The following TNNI3K variants were observed in gnomAD, a reference collection of about 807,000 sequenced individuals.
TNNI3K encodes serine/threonine-protein kinase TNNI3K.
TNNI3K carries 140 observed loss-of-function variants against 114.5 expected under a neutral mutation model. The ratio of observed to expected loss-of-function variants is 1.22; its 90% confidence interval spans 1.07 to 1.41. The LOEUF is 1.41. Ranked by LOEUF, TNNI3K falls within the 40% of genes most tolerant of loss-of-function variation. TNNI3K has a pLI of 0.00. For missense variants in TNNI3K, 1,125 were observed against 1,007.6 expected (o/e 1.12, Z -1.58); for synonymous variants, 347 against 347.5 (o/e 1.00, Z 0.02).
chr1:74,500,408 C>T (rs1251840675), intron 23 of TNNI3K, among the ~76,000 whole-genome samples: 4 of 151,044 alleles, frequency 2.6e-5, no homozygotes, highest in African/African-American at 4.9e-5. Flanking sequence ...GAGACCATCC[C>T]GGCTAAAAAA....
intron 19 of TNNI3K, among the ~76,000 whole-genome samples, chr1:74,438,186 C>T (rs1432007816): frequency 4.0e-5 from 6 of 151,698 alleles, no homozygotes; most frequent in African/African-American, 1.5e-4. Flanking sequence ...CAGTCTATGA[C>T]CCCTCTGTGC....
intron 19 of TNNI3K, 146 bp downstream of exon 19, chr1:74,436,672 G>T (rs1306639433): frequency 1.3e-6 from 1 of 771,474 alleles, no homozygotes; most frequent in East Asian, 3.3e-5. Context: ...TTTATTTTTA[G>T]TAAGCTGTCA....
intron 21 of TNNI3K, among the ~76,000 whole-genome samples, chr1:74,477,960 A>G (rs1317285846): frequency 6.6e-6 from 1 of 152,224 alleles, no homozygotes; most frequent in Non-Finnish European, 1.5e-5. Flanking sequence ...ACCAGTTCAT[A>G]GTGTAAGTGT....
At chr1:74,475,093 G>C (rs1201578446) in intron 21 of TNNI3K, among the ~76,000 whole-genome samples, 1 of 141,364 alleles carries the variant, frequency 7.1e-6, no homozygotes, top group African/African-American at 2.7e-5. Context: ...CTAAAAGTAA[G>C]AACACTTCAT....
intron 23 of TNNI3K, among the ~76,000 whole-genome samples, chr1:74,492,978 C>T (rs978635672): frequency 1.3e-5 from 2 of 152,110 alleles, no homozygotes; most frequent in East Asian, 3.9e-4. Context: ...GCAGGGAGAG[C>T]TCTAGTGTCC....
intron 17 of TNNI3K, chr1:74,372,375 C>T (rs966307826): frequency 6.6e-6 from 1 of 151,640 alleles, no homozygotes; most frequent in Non-Finnish European, 1.5e-5. Context: ...TTTTTCTCTT[C>T]TCAGATAGAT....
Position 74,370,405 on chromosome 1 carries a change from T to C in TNNI3K, c.1772+13T>C. 1 of 1,598,342 alleles carries C rather than the reference T, an allele frequency of 6.3e-7. No individual in the cohort carries two copies. Among genetic ancestry groups the C allele is most frequent in the South Asian group, 1.1e-5 (1 of 89,098 alleles). ...GTGACTTGAACAGGTATTTTTTTCC[T>C]AAATAATGAACTCAGAAGGGTATGA... is the stretch of plus-strand genomic sequence containing the variant. On this transcript the variant is annotated intron_variant, in intron 17 of 24. Coordinates refer to ENST00000326637, the MANE Select transcript of TNNI3K (RefSeq NM_015978.3).
intron 5 of TNNI3K, among the ~76,000 whole-genome samples, chr1:74,280,390 AAT>A (rs1044324976): frequency 2.9e-4 from 44 of 149,172 alleles, no homozygotes; most frequent in South Asian, 1.5e-3. Context: ...TCAAAAAAAA[AAT>A]AAAATAAAAT....
rs1656381258 is a variant in TNNI3K, at chr1:74,271,983, C to T, written c.444+275C>T. Among the ~76,000 whole-genome samples, 4 of 151,790 alleles carry T rather than the reference C, an allele frequency of 2.6e-5. No individual in the cohort carries two copies. In the South Asian group the frequency reaches 8.3e-4, roughly 31 times the overall value. ...AGTTTCCACAACTTGCTATTTTAAC[C>T]TTGGGGAAGTTACTGAATCTCATGA... is the stretch of plus-strand genomic sequence containing the variant. On this transcript the variant is annotated intron_variant, in intron 5 of 24. Coordinates refer to ENST00000326637, the MANE Select transcript of TNNI3K (RefSeq NM_015978.3).
At chr1:74,270,421 T>A (rs1395745742) in intron 4 of TNNI3K, among the ~76,000 whole-genome samples, 1 of 151,622 alleles carries the variant, frequency 6.6e-6, no homozygotes, top group Non-Finnish European at 1.5e-5. Flanking sequence ...AGTTTATAGT[T>A]CAAGCATATA....
intron 21 of TNNI3K, among the ~76,000 whole-genome samples, chr1:74,484,776 C>A (rs1354681226): frequency 6.6e-6 from 1 of 151,984 alleles, no homozygotes; most frequent in Non-Finnish European, 1.5e-5. Context: ...AAAGACATAG[C>A]GTTTTAACCC....
rs187333729 is a variant in TNNI3K at position 74,270,276 on chromosome 1, G to A, written c.334-1322G>A. Among the ~76,000 whole-genome samples the A allele has an allele frequency of 4.4e-4, 67 of 151,798 alleles. 1 individual carries two copies. The highest frequency in any genetic ancestry group is 1.5e-3 in the African/African-American group (63 of 41,474). ...CCTACCTAAAGATTGCTAAAGAAATGAGACTGCAACTGTCAACAGATTCAA... is the reference window on the plus strand; with the variant it reads ...CCTACCTAAAGATTGCTAAAGAAATAAGACTGCAACTGTCAACAGATTCAA... On this transcript the variant is annotated intron_variant, in intron 4 of 24. Coordinates refer to ENST00000326637, the MANE Select transcript of TNNI3K (RefSeq NM_015978.3).
chr1:74,282,905 TGGAAAACATCGCAAGGGC>T (rs544551829), intron 5 of TNNI3K, among the ~76,000 whole-genome samples: 23 of 152,312 alleles, frequency 1.5e-4, no homozygotes, highest in Admixed American at 2.0e-4. Flanking sequence ...AATTTGGATA[TGGAAAACATCGCAAGGGC>T]CAAATATGCC....
At chr1:74,376,921 T>C (rs1409315830) in intron 17 of TNNI3K, 3 of 151,988 alleles carry the variant, frequency 2.0e-5, no homozygotes, top group East Asian at 1.9e-4. Flanking sequence ...AGACTACCAA[T>C]TAATTCTTAT....
chr1:74,282,969 A>G (rs1372448365), intron 5 of TNNI3K, among the ~76,000 whole-genome samples: 2 of 152,202 alleles, frequency 1.3e-5, no homozygotes, highest in South Asian at 2.1e-4. Flanking sequence ...TTGTTTCAAT[A>G]TCAATCTAGG....
intron 20 of TNNI3K, 152 bp downstream of exon 20, chr1:74,439,774 G>A: frequency 8.5e-7 from 1 of 1,173,022 alleles, no homozygotes; most frequent in African/African-American, 1.6e-5. Context: ...TAAGGTGTGT[G>A]CCCAACCCAG....
intron 17 of TNNI3K, among the ~76,000 whole-genome samples, chr1:74,391,957 A>ATTATTTTTTTTTTTTTTTT (rs1369570973): frequency 1.4e-3 from 133 of 93,004 alleles, no homozygotes; most frequent in Non-Finnish European, 2.0e-3. Flanking sequence ...ACAGCTTATT[A>ATTATTTTTTTTTTTTTTTT]TTTTTTTTTT....
chr1:74,400,625 A>G (rs569981233), intron 17 of TNNI3K, among the ~76,000 whole-genome samples: 63 of 152,342 alleles, frequency 4.1e-4, no homozygotes, highest in African/African-American at 1.5e-3. Context: ...TGCAGAAATC[A>G]GACCCTACAG....
intron 17 of TNNI3K, among the ~76,000 whole-genome samples, chr1:74,379,086 CTCT>C (rs1227177835): frequency 6.6e-6 from 1 of 151,924 alleles, no homozygotes; most frequent in African/African-American, 2.4e-5. Context: ...TTTGAAATAA[CTCT>C]TCTCATTCAC....
Sources: gnomAD v4.1 joint callset for allele counts (sites outside exome capture counted in the v4.1 genomes callset) on GRCh38, gnomAD v4.1.1 for gene constraint, MANE v1.5 for transcripts, NCBI Gene and HGNC (gene_info 2026-07-23, HGNC 2026-07-21) for gene names.